GLI3: variants seen among roughly 807,000 people sequenced by gnomAD.
The protein encoded by GLI3 is transcription activator GLI3.
A neutral mutation model predicts 100.8 loss-of-function variants in GLI3; 20 were observed. The ratio of observed to expected loss-of-function variants is 0.20; its 90% CI spans 0.14 to 0.29. The LOEUF (loss-of-function observed/expected upper bound fraction) is 0.29, where lower values mean the gene tolerates loss of function less well. Ranked by LOEUF, GLI3 falls within the 10% of genes least tolerant of loss-of-function variation. The pLI, the probability that GLI3 is intolerant of heterozygous loss-of-function variation, is 1.00. For synonymous variants in GLI3, 938 were observed against 860.5 expected (o/e 1.09, Z -1.58); for missense variants, 2,040 against 2,128.5 (o/e 0.96, Z 0.82).
At chr7:42,165,046 G>A (rs552410540) in intron 2 of GLI3, among the ~76,000 whole-genome samples, 12 of 151,668 alleles carry the variant, frequency 7.9e-5, no homozygotes, top group African/African-American at 1.2e-4. Context: ...AGGCCAAGGC[G>A]GGTGGATCAC....
At position 42,198,571 on chromosome 7, in the gene GLI3, C is replaced by A. The variant is rs559070804; in HGVS notation, c.124+24559G>T. Among the ~76,000 whole-genome samples, 8 of 152,272 alleles carry A rather than the reference C, an allele frequency of 5.3e-5. No homozygotes were observed. In the East Asian group the frequency reaches 1.5e-3, roughly 29 times the overall value. ...CAAGTTCTGTTTATTTTCCAAACAC[C>A]CTCTACCTCATCTGAAGGTGGTTTG... On this transcript the variant is annotated intron_variant, in intron 2 of 14. Coordinates refer to ENST00000395925, the MANE Select transcript of GLI3 (RefSeq NM_000168.6).
intron 2 of GLI3, among the ~76,000 whole-genome samples, chr7:42,173,888 A>G (rs1787426700): frequency 6.6e-6 from 1 of 152,236 alleles, no homozygotes; most frequent in South Asian, 2.1e-4. Context: ...TATGCTGGGC[A>G]CAAGCTTGAC....
In GLI3 at chr7:41,985,311, G is replaced by A. The variant is rs183860018; in HGVS notation, c.1498-6563C>T. ...TAGTCTACCAGGTGAGCTCATAAAT[G>A]CAGCTTGAGTTAATTAATACACTGA... On this transcript the variant is annotated intron_variant, in intron 10 of 14. Coordinates refer to ENST00000395925, the MANE Select transcript of GLI3 (RefSeq NM_000168.6). Among the ~76,000 whole-genome samples the A allele has an allele frequency of 9.2e-5, 14 of 152,360 alleles. No homozygotes were observed. In the East Asian group the frequency reaches 2.7e-3, roughly 29 times the overall value.
intron 12 of GLI3, among the ~76,000 whole-genome samples, chr7:41,973,081 G>A (rs1787409491): frequency 6.6e-6 from 1 of 152,198 alleles, no homozygotes; most frequent in South Asian, 2.1e-4. Flanking sequence ...TTTTATGGAT[G>A]TCCTGGTTGT....
intron 3 of GLI3, among the ~76,000 whole-genome samples, chr7:42,119,977 C>T (rs369060506): frequency 2.6e-4 from 40 of 152,322 alleles, no homozygotes; most frequent in South Asian, 4.1e-4. Flanking sequence ...CACGCACACA[C>T]GCCCTGGACC....
chr7:42,050,079 T>C (rs1784324933), intron 4 of GLI3, among the ~76,000 whole-genome samples: 2 of 152,158 alleles, frequency 1.3e-5, no homozygotes, highest in South Asian at 4.1e-4. Context: ...AGAGATCAGA[T>C]AATGAATTTT....
chr7:42,178,763 A>G (rs898204005), intron 2 of GLI3, among the ~76,000 whole-genome samples: 1 of 152,192 alleles, frequency 6.6e-6, no homozygotes, highest in African/African-American at 2.4e-5. Context: ...CCAAGCGGCT[A>G]TGGGAAAATA....
At chr7:41,968,747 A>G (rs200734617) in intron 13 of GLI3, among the ~76,000 whole-genome samples, 2,949 of 120,966 alleles carry the variant, frequency 0.024, 44 homozygotes, top group Middle Eastern at 0.061. Context: ...AAAGAAAGAA[A>G]GAAAGAAAGA....
intron 3 of GLI3, among the ~76,000 whole-genome samples, chr7:42,118,006 T>C (rs1785903231): frequency 6.6e-6 from 1 of 152,198 alleles, no homozygotes; most frequent in African/African-American, 2.4e-5. Context: ...CAGAATATAC[T>C]TGATGGGCCA....
intron 10 of GLI3, among the ~76,000 whole-genome samples, chr7:42,006,771 C>T (rs553825100): frequency 6.6e-6 from 1 of 152,318 alleles, no homozygotes; most frequent in South Asian, 2.1e-4. Context: ...CTGACACTTA[C>T]AGGATCCCTA....
intron 3 of GLI3, among the ~76,000 whole-genome samples, chr7:42,109,870 T>C (rs1218034593): frequency 2.0e-5 from 3 of 152,230 alleles, no homozygotes; most frequent in Non-Finnish European, 4.4e-5. Context: ...ATTTTAACTT[T>C]GCCTGACAGG....
At chr7:42,238,333 G>A (rs1328008614), upstream of GLI3, among the ~76,000 whole-genome samples, 1 of 151,940 alleles carries the variant, frequency 6.6e-6, no homozygotes, top group African/African-American at 2.4e-5. Context: ...ATTCTTTTAA[G>A]GCTTCTCTGA....
At chr7:42,220,451 G>A (rs3801235) in intron 2 of GLI3, among the ~76,000 whole-genome samples, 55,827 of 152,048 alleles carry the variant, frequency 0.37, 12,244 homozygotes, top group East Asian at 0.72. Flanking sequence ...GTCCCAACTT[G>A]GAAATCCTGC....
intron 10 of GLI3, among the ~76,000 whole-genome samples, chr7:42,003,534 T>C (rs1788367288): frequency 6.6e-6 from 1 of 152,160 alleles, no homozygotes; most frequent in Non-Finnish European, 1.5e-5. Flanking sequence ...GGTGATTTAA[T>C]AAAGTGTACA....
chr7:42,093,903 C>T (rs571393585), intron 3 of GLI3, among the ~76,000 whole-genome samples: 9 of 152,162 alleles, frequency 5.9e-5, no homozygotes, highest in Non-Finnish European at 1.2e-4. Flanking sequence ...CCACACTCCC[C>T]AAATAAACTC....
rs745809543 is a variant in GLI3 at position 42,025,274 on chromosome 7, C to G, written c.1346G>C (p.Arg449Pro). The G allele has an allele frequency of 1.9e-6, 3 of 1,612,174 alleles. No individual in the cohort carries two copies. The highest frequency in any genetic ancestry group is 8.5e-7 in the Non-Finnish European group (1 of 1,178,338). ...PDEDLPSPGA[R>P]GQQEQPEGTT... The stretch of plus-strand genomic sequence containing the variant: ...GCCTCGGTGTCCTACCTGCTGCCCC[C>G]GAGCCCCTGGGCTGGGGAGGTCTTC... Residue 449 changes from arginine to proline, a missense_variant, in exon 9 of 15, where the codon CGG becomes CCG. Physicochemically the swap from Arg to Pro is moderately radical, Grantham distance 103. Coordinates refer to ENST00000395925, the MANE Select transcript of GLI3 (RefSeq NM_000168.6).
rs191540919 is a variant in GLI3 at position 42,145,723 on chromosome 7, G to A, written c.367+2503C>T. The A allele has an allele frequency of 2.3e-3, 909 of 397,806 alleles. 4 individuals are homozygous for A. The highest frequency in any genetic ancestry group is 3.7e-3 in the Middle Eastern group (6 of 1,604). The allele number at this position is 397,806 out of a possible 1,614,324, so 24.6% of individuals were successfully genotyped here. On this transcript the variant is annotated intron_variant, in intron 3 of 14. Coordinates refer to ENST00000395925, the MANE Select transcript of GLI3 (RefSeq NM_000168.6). Reference sequence around the variant, plus strand: ...ATCACATATTGATGATGATGAGGAGGAGGAGGATGATGATGTAGAAGAGAA... The same window carrying A: ...ATCACATATTGATGATGATGAGGAGAAGGAGGATGATGATGTAGAAGAGAA...
At chr7:41,977,434 G>T (rs911690772) in intron 12 of GLI3, 124 bp downstream of exon 12, 2 of 953,842 alleles carry the variant, frequency 2.1e-6, no homozygotes, top group Admixed American at 4.0e-5. Context: ...CAGGGGCAGA[G>T]CCCCTCATGC....
intron 4 of GLI3, among the ~76,000 whole-genome samples, chr7:42,049,625 G>A (rs915003408): frequency 6.6e-6 from 1 of 152,336 alleles, no homozygotes; most frequent in East Asian, 1.9e-4. Context: ...ATCCTGATCT[G>A]CTTCTGGAGA....
Sources: allele counts gnomAD v4.1 joint callset (sites outside exome capture counted in the v4.1 genomes callset), GRCh38; gene constraint gnomAD v4.1.1; transcripts MANE v1.5; gene names NCBI Gene and HGNC (gene_info 2026-07-23, HGNC 2026-07-21).